KIF26B: variants seen among roughly 807,000 people sequenced by gnomAD.
KIF26B encodes kinesin-like protein KIF26B.
A neutral mutation model predicts 151.2 loss-of-function variants in KIF26B; 63 were observed. That is an observed-to-expected ratio of 0.42 (90% CI 0.34 to 0.51). The LOEUF (loss-of-function observed/expected upper bound fraction) is 0.51. Among genes scored for constraint, KIF26B ranks in the 20% least tolerant of loss-of-function variants. KIF26B has a pLI of 0.07. For synonymous variants in KIF26B, 1,357 were observed against 1,262.1 expected (o/e 1.08, Z -1.59); for missense variants, 2,813 against 2,913.6 (o/e 0.97, Z 0.79).
At chr1:245,650,784 G>A (rs778638685) in intron 10 of KIF26B, among the ~76,000 whole-genome samples, 10 of 152,210 alleles carry the variant, frequency 6.6e-5, no homozygotes, top group Non-Finnish European at 1.3e-4. Flanking sequence ...TTTAACAAGA[G>A]TTCATGGAAA....
chr1:245,428,975 G>A (rs1249220417), intron 4 of KIF26B, among the ~76,000 whole-genome samples: 1 of 151,398 alleles, frequency 6.6e-6, no homozygotes, highest in Admixed American at 6.6e-5. Context: ...TTGATGCTGT[G>A]GTGGGGGCGG....
At chr1:245,261,232 G>A (rs958782158) in intron 2 of KIF26B, among the ~76,000 whole-genome samples, 1 of 151,538 alleles carries the variant, frequency 6.6e-6, no homozygotes, top group African/African-American at 2.4e-5. Flanking sequence ...CGCAACCTCC[G>A]TCTCTCAGGT....
intron 4 of KIF26B, among the ~76,000 whole-genome samples, chr1:245,529,784 C>T (rs1469867206): frequency 6.6e-6 from 1 of 152,102 alleles, no homozygotes; most frequent in Non-Finnish European, 1.5e-5. Context: ...TTGAGGAACA[C>T]CCCACAAGCA....
In KIF26B at chr1:245,706,388, T is replaced by G. The variant is rs2044841438; in HGVS notation, c.*3782T>G. On this transcript the variant is annotated 3_prime_UTR_variant, in exon 15 of 15. Coordinates refer to ENST00000407071, the MANE Select transcript of KIF26B (RefSeq NM_018012.4). ...AGGCAAGGCTGACAAATCTGCAGAT[T>G]TGTTCAATGCAAACACAGCCGTCTA... 6.6e-6 allele frequency: 1 copy of G among 152,196 alleles called. No homozygotes were observed. Among genetic ancestry groups the G allele is most frequent in the East Asian group, 1.9e-4 (1 of 5,198 alleles). 9.4% of individuals were successfully genotyped at this position (152,196 alleles called of 1,614,324 possible). A position where few individuals can be genotyped will look rare whatever the true frequency, so the allele number is the denominator to read the frequency against.
chr1:245,207,404 G>A (rs1032190609), intron 2 of KIF26B, among the ~76,000 whole-genome samples: 1 of 152,144 alleles, frequency 6.6e-6, no homozygotes, highest in African/African-American at 2.4e-5. Context: ...GAACCCGATT[G>A]GCTAACTTGA....
Position 245,257,825 on chromosome 1 carries a change from C to A in KIF26B, c.465+101142C>A, listed in dbSNP as rs374710852. Among the ~76,000 whole-genome samples the A allele has an allele frequency of 1.1e-3, 169 of 152,298 alleles. 2 individuals carry two copies. The Middle Eastern group carries it at 0.017, about 15-fold the overall frequency. On this transcript the variant is annotated intron_variant, in intron 2 of 14. Coordinates refer to ENST00000407071, the MANE Select transcript of KIF26B (RefSeq NM_018012.4). ...TCACTTGAGGCCAGGAGATCAAGAC[C>A]AGCTTGGCCAACATGGTGAAACCCC...
intron 2 of KIF26B, among the ~76,000 whole-genome samples, chr1:245,158,974 C>T (rs1668491990): frequency 6.6e-6 from 1 of 152,004 alleles, no homozygotes; most frequent in Non-Finnish European, 1.5e-5. Flanking sequence ...CTCTGGTGTA[C>T]CATGGATGGA....
intron 2 of KIF26B, among the ~76,000 whole-genome samples, chr1:245,189,613 T>C (rs1376255244): frequency 2.0e-5 from 3 of 152,186 alleles, no homozygotes. Context: ...CTCAAGGGGC[T>C]CCTAAATTAG....
At chr1:245,403,860 A>G (rs1033943573) in intron 3 of KIF26B, among the ~76,000 whole-genome samples, 1 of 152,200 alleles carries the variant, frequency 6.6e-6, no homozygotes, top group Non-Finnish European at 1.5e-5. Flanking sequence ...GCCCTCATGG[A>G]ACTGACCTTT....
Position 245,698,392 on chromosome 1 carries a change from G to A in KIF26B, c.6027+84G>A. 7.7e-7 allele frequency: 1 copy of A among 1,306,060 alleles called. No homozygotes were observed. Among genetic ancestry groups the A allele is most frequent in the Non-Finnish European group, 1.1e-6 (1 of 942,290 alleles). 80.9% of individuals were successfully genotyped at this position (1,306,060 alleles called of 1,614,324 possible). A position where few individuals can be genotyped will look rare whatever the true frequency, so the allele number is the denominator to read the frequency against. On this transcript the variant is annotated intron_variant, in intron 13 of 14. Coordinates refer to ENST00000407071, the MANE Select transcript of KIF26B (RefSeq NM_018012.4). The surrounding 1 kb of genome is among the most constrained non-coding windows in gnomAD (Gnocchi z 4.0). ...AGCAGGTGCTAGGCAGGGCCCTGGG[G>A]AAGAAAACTCAGACCCGGGCTTCCC...
chr1:245,626,752 A>G (rs1002911224), intron 9 of KIF26B, among the ~76,000 whole-genome samples: 1 of 152,048 alleles, frequency 6.6e-6, no homozygotes, highest in Non-Finnish European at 1.5e-5. Context: ...CAATCTTTCT[A>G]ATTTTGGTTT....
chr1:245,365,780 T>A (rs1672935219), intron 2 of KIF26B, among the ~76,000 whole-genome samples: 1 of 152,052 alleles, frequency 6.6e-6, no homozygotes, highest in African/African-American at 2.4e-5. Flanking sequence ...GTCCTTACGA[T>A]AAGGAGAGGC....
intron 9 of KIF26B, among the ~76,000 whole-genome samples, chr1:245,642,107 G>A (rs921843759): frequency 5.3e-5 from 8 of 152,134 alleles, no homozygotes; most frequent in Non-Finnish European, 8.8e-5. Context: ...ACCCAATGAC[G>A]GTACTTGTGT....
chr1:245,569,027 T>A (rs1006102197), intron 5 of KIF26B, among the ~76,000 whole-genome samples: 5 of 152,148 alleles, frequency 3.3e-5, no homozygotes, highest in African/African-American at 4.8e-5. Context: ...TGGGCTCAGA[T>A]GAGAAATAGC....
chr1:245,630,860 G>C (rs2103171726), intron 9 of KIF26B, among the ~76,000 whole-genome samples: 1 of 152,074 alleles, frequency 6.6e-6, no homozygotes, highest in South Asian at 2.1e-4. Context: ...TTTTGTTATA[G>C]AGGTATTTCA....
chr1:245,255,441 T>C (rs552894334), intron 2 of KIF26B, among the ~76,000 whole-genome samples: 1 of 152,344 alleles, frequency 6.6e-6, no homozygotes, highest in Non-Finnish European at 1.5e-5. Flanking sequence ...CCCATTTAGA[T>C]TGAAATCAGA....
chr1:245,624,994 C>T (rs1346518288), intron 9 of KIF26B, among the ~76,000 whole-genome samples: 2 of 151,868 alleles, frequency 1.3e-5, no homozygotes, highest in African/African-American at 4.8e-5. Context: ...AATATAGTAT[C>T]CAAAATTTCC....
chr1:245,378,247 C>T (rs538008288), intron 3 of KIF26B, among the ~76,000 whole-genome samples: 2 of 149,530 alleles, frequency 1.3e-5, no homozygotes, highest in South Asian at 4.2e-4. Context: ...AGGTAAGATG[C>T]TGTGTGCCTT....
rs550219673 is a variant in KIF26B, at chr1:245,597,176, G to T, written c.1351-5401G>T. The stretch of plus-strand genomic sequence containing the variant: ...GTGAATTTGATCCTGTCATTATGAT[G>T]CTAGCTGGTTATTTTTCCCATTAGT... On this transcript the variant is annotated intron_variant, in intron 5 of 14. Transcript: ENST00000407071. This position sits in a 1 kb window ranked among gnomAD's most constrained non-coding sequence, Gnocchi z 4.6. Among the ~76,000 whole-genome samples, 75 of 152,298 alleles carry T rather than the reference G, an allele frequency of 4.9e-4. No individual in the cohort carries two copies. The highest frequency in any genetic ancestry group is 1.8e-3 in the African/African-American group (74 of 41,566).
Sources: gnomAD v4.1 joint callset for allele counts (sites outside exome capture counted in the v4.1 genomes callset) on GRCh38, gnomAD v4.1.1 for gene constraint, Gnocchi (gnomAD v3.1) non-coding constraint, MANE v1.5 for transcripts, NCBI Gene and HGNC (gene_info 2026-07-23, HGNC 2026-07-21) for gene names.